The following ARHGEF10L variants were observed in gnomAD, a reference collection of about 807,000 sequenced individuals.
ARHGEF10L encodes rho guanine nucleotide exchange factor 10-like protein.
A neutral mutation model predicts 141.2 loss-of-function variants in ARHGEF10L; 69 were observed. The ratio of observed to expected loss-of-function variants is 0.49; its 90% confidence interval spans 0.40 to 0.60. The LOEUF (loss-of-function observed/expected upper bound fraction) is 0.60, where lower values mean the gene tolerates loss of function less well. Among genes scored for constraint, ARHGEF10L ranks in the 20% least tolerant of loss-of-function variants. The pLI is 0.00. For missense variants in ARHGEF10L, 1,482 were observed against 1,734.3 expected (o/e 0.85, Z 2.58); for synonymous variants, 711 against 718.5 (o/e 0.99, Z 0.17).
chr1:17,635,076 G>T, intron 18 of ARHGEF10L, 60 bp downstream of exon 18: 1 of 1,596,994 alleles, frequency 6.3e-7, no homozygotes, highest in Non-Finnish European at 8.5e-7. Context: ...GCCACAGCCT[G>T]GGCTGCTCCT....
At chr1:17,517,327 T>G in the ARHGEF10L span, among the ~76,000 whole-genome samples, 1 of 152,150 alleles carries the variant, frequency 6.6e-6, no homozygotes, top group African/African-American at 2.4e-5. Context: ...GAGGTGTTTT[T>G]TATTATTATT....
Position 17,632,498 on chromosome 1 carries a change from C to A in ARHGEF10L, c.1730+32C>A, listed in dbSNP as rs559715753. 3.1e-6 allele frequency: 5 copies of A among 1,613,144 alleles called. No individual in the cohort carries two copies. The Admixed American group carries it at 5.0e-5, about 16-fold the overall frequency. On this transcript the variant is annotated intron_variant, in intron 16 of 28. Coordinates refer to ENST00000361221, the MANE Select transcript of ARHGEF10L (RefSeq NM_018125.4). ...GGGCCTGGGTTGGAGGGGGCAATCACCCCTCCCTGGAGACCCCATCCCGCC... is the reference window on the plus strand; with the variant it reads ...GGGCCTGGGTTGGAGGGGGCAATCAACCCTCCCTGGAGACCCCATCCCGCC...
chr1:17,606,244 C>T (rs1027085133), intron 6 of ARHGEF10L, among the ~76,000 whole-genome samples: 1 of 152,150 alleles, frequency 6.6e-6, no homozygotes, highest in African/African-American at 2.4e-5. Context: ...GACCAAAGCT[C>T]GCAGTTTTTC....
the ARHGEF10L span, among the ~76,000 whole-genome samples, chr1:17,525,658 C>T: frequency 1.4e-4 from 22 of 152,022 alleles, no homozygotes; most frequent in African/African-American, 5.3e-4. Context: ...GACTCCTTTC[C>T]AAATAAATAA....
In ARHGEF10L at chr1:17,686,108, T is replaced by TTCTTTCTTTCTTTCTTTCTTTCTTTC. The variant is rs1400506757; in HGVS notation, c.3010-1464_3010-1463insCTTTCTTTCTTTCTTTCTTTCTTTCT. Among the ~76,000 whole-genome samples the TTCTTTCTTTCTTTCTTTCTTTCTTTC allele has an allele frequency of 8.2e-4, 124 of 150,540 alleles. 1 individual carries two copies. The highest frequency in any genetic ancestry group is 2.9e-3 in the African/African-American group (119 of 40,896). ...TTTCTTTCTTTCTTTCTTTCTTTCT[T>TTCTTTCTTTCTTTCTTTCTTTCTTTC]TTTTTTTTGCATTTTCTGTAGCATT... On this transcript the variant is annotated intron_variant, in intron 26 of 28. Transcript: ENST00000361221.
chr1:17,595,014 C>G (rs1454608995), intron 4 of ARHGEF10L, among the ~76,000 whole-genome samples: 1 of 152,148 alleles, frequency 6.6e-6, no homozygotes, highest in African/African-American at 2.4e-5. Flanking sequence ...CATCCCTCCT[C>G]CCTACCTCCT....
At chr1:17,553,571 C>T (rs2077193808) in intron 1 of ARHGEF10L, among the ~76,000 whole-genome samples, 1 of 151,958 alleles carries the variant, frequency 6.6e-6, no homozygotes, top group Non-Finnish European at 1.5e-5. Context: ...CGCTTGAGCC[C>T]TGGAGTTCAA....
intron 3 of ARHGEF10L, 113 bp from the exon 4 acceptor site, chr1:17,588,333 G>T (rs1462906048): frequency 9.0e-6 from 11 of 1,222,386 alleles, no homozygotes; most frequent in Non-Finnish European, 1.3e-5. Flanking sequence ...ACCCAGACTG[G>T]CCAGGCCCTG....
chr1:17,692,696 C>T (rs1277824076), intron 27 of ARHGEF10L, among the ~76,000 whole-genome samples: 2 of 152,208 alleles, frequency 1.3e-5, no homozygotes, highest in African/African-American at 2.4e-5. Context: ...GTAGCTAGAA[C>T]GTTCCACTCA....
chr1:17,583,012 T>G (rs1184386173), intron 2 of ARHGEF10L, among the ~76,000 whole-genome samples: 1 of 149,914 alleles, frequency 6.7e-6, no homozygotes, highest in Non-Finnish European at 1.5e-5. Context: ...CTCCAGAGTT[T>G]GAGACCAGTC....
Position 17,656,234 on chromosome 1 carries a change from G to C in ARHGEF10L, c.2705+132G>C. On this transcript the variant is annotated intron_variant, in intron 24 of 28. Transcript: ENST00000361221. This position sits in a 1 kb window ranked among gnomAD's most constrained non-coding sequence, Gnocchi z 4.9. Reference sequence around the variant, plus strand: ...CTGCCCCTGGTCTCCAGGAAGGTGGGCACCAGAGCTGCCCAGTGTGGGAGC... The same window carrying C: ...CTGCCCCTGGTCTCCAGGAAGGTGGCCACCAGAGCTGCCCAGTGTGGGAGC... 8.7e-7 allele frequency: 1 copy of C among 1,150,972 alleles called. No individual in the cohort carries two copies. Among genetic ancestry groups the C allele is most frequent in the Non-Finnish European group, 1.2e-6 (1 of 817,558 alleles). 71.3% of individuals were successfully genotyped at this position (1,150,972 alleles called of 1,614,324 possible).
intron 26 of ARHGEF10L, among the ~76,000 whole-genome samples, chr1:17,680,719 C>G (rs949882942): frequency 6.7e-6 from 1 of 149,478 alleles, no homozygotes; most frequent in Non-Finnish European, 1.5e-5. Flanking sequence ...GAGGCGGGCA[C>G]AACCCCTCCC....
At chr1:17,532,990 G>T in the ARHGEF10L span, among the ~76,000 whole-genome samples, 1 of 152,106 alleles carries the variant, frequency 6.6e-6, no homozygotes, top group Non-Finnish European at 1.5e-5. Context: ...TCTTTGCAAA[G>T]GACTCAGGAA....
intron 22 of ARHGEF10L, among the ~76,000 whole-genome samples, chr1:17,653,987 C>T (rs1015354620): frequency 7.2e-5 from 11 of 152,230 alleles, no homozygotes; most frequent in African/African-American, 2.7e-4. Context: ...CAGTGGTCGG[C>T]TGCATCCTCC....
chr1:17,692,446 C>T (rs942348648), intron 27 of ARHGEF10L, among the ~76,000 whole-genome samples: 1 of 152,182 alleles, frequency 6.6e-6, no homozygotes. Context: ...CCTTTGCCAT[C>T]CCAGGCCATG....
chr1:17,639,959 C>T lies in ARHGEF10L; in HGVS notation c.2172-243C>T, dbSNP rs1044915901. 1.1e-4 allele frequency: 167 copies of T among 1,489,108 alleles called. No individual in the cohort carries two copies. The highest frequency in any genetic ancestry group is 1.3e-4 in the Non-Finnish European group (144 of 1,118,042). The allele number at this position is 1,489,108 out of a possible 1,614,324, so 92.2% of individuals were successfully genotyped here. The stretch of plus-strand genomic sequence containing the variant: ...AGGCTCCTGGAGCCAGGCTGGGGAG[C>T]GTGGCTCAGCCACCCTGGCCAGGTA... On this transcript the variant is annotated intron_variant, in intron 20 of 28. Coordinates refer to ENST00000361221, the MANE Select transcript of ARHGEF10L (RefSeq NM_018125.4). The surrounding 1 kb of genome is among the most constrained non-coding windows in gnomAD (Gnocchi z 4.3).
In ARHGEF10L at chr1:17,697,478, C is replaced by A; in HGVS notation, c.*98C>A. 1 of 1,422,200 alleles carries A rather than the reference C, an allele frequency of 7.0e-7. No individual in the cohort carries two copies. The highest frequency in any genetic ancestry group is 9.4e-7 in the Non-Finnish European group (1 of 1,061,158). 88.1% of individuals were successfully genotyped at this position (1,422,200 alleles called of 1,614,324 possible). ...ACCTGCACGGGACTTGTGGATGGGC[C>A]TGGACTCTCCAGAAACTACTTGGGC... On this transcript the variant is annotated 3_prime_UTR_variant, in exon 29 of 29. Transcript: ENST00000361221. This position sits in a 1 kb window ranked among gnomAD's most constrained non-coding sequence, Gnocchi z 4.8.
chr1:17,682,858 G>A (rs2102437541), intron 26 of ARHGEF10L, among the ~76,000 whole-genome samples: 1 of 152,216 alleles, frequency 6.6e-6, no homozygotes, highest in East Asian at 1.9e-4. Context: ...AAGGATGAGG[G>A]CACAGGTCTG....
intron 9 of ARHGEF10L, among the ~76,000 whole-genome samples, chr1:17,617,980 C>A (rs915288906): frequency 7.0e-4 from 107 of 152,304 alleles, no homozygotes; most frequent in African/African-American, 2.5e-3. Flanking sequence ...GGGTTTTCAT[C>A]TGTAACATGG....
Sources: allele counts gnomAD v4.1 joint callset (sites outside exome capture counted in the v4.1 genomes callset), GRCh38; gene constraint gnomAD v4.1.1; non-coding constraint Gnocchi (gnomAD v3.1); transcripts MANE v1.5; gene names NCBI Gene and HGNC (gene_info 2026-07-23, HGNC 2026-07-21).